CDKL1: variants seen among roughly 807,000 people sequenced by gnomAD.
CDKL1 encodes the protein cyclin dependent kinase like 1.
In CDKL1, 41 loss-of-function variants were observed where a neutral mutation model predicts 42.0. That is an observed-to-expected ratio of 0.98 (90% CI 0.76 to 1.27). The LOEUF is 1.27. Ranked by LOEUF, CDKL1 falls within the 50% of genes most tolerant of loss-of-function variation. The pLI is 0.00. For missense variants in CDKL1, 394 were observed against 428.4 expected, an observed-to-expected ratio of 0.92 and a Z score of 0.71; for synonymous variants, 153 against 158.6, an observed-to-expected ratio of 0.96 and a Z score of 0.26.
At chr14:50,387,276 C>T (rs2035113570) in intron 2 of CDKL1, among the ~76,000 whole-genome samples, 1 of 151,640 alleles carries the variant, frequency 6.6e-6, no homozygotes, top group Admixed American at 6.6e-5. Context: ...AATCCCAGCA[C>T]TTTGGGAGGC....
At chr14:50,350,929 C>G (rs1158256904) in intron 3 of CDKL1, among the ~76,000 whole-genome samples, 1 of 152,118 alleles carries the variant, frequency 6.6e-6, no homozygotes, top group Non-Finnish European at 1.5e-5. Flanking sequence ...TGGAATCCAT[C>G]TTTCGCTAGT....
intron 2 of CDKL1, among the ~76,000 whole-genome samples, chr14:50,368,546 G>A (rs1273408498): frequency 6.6e-6 from 1 of 152,148 alleles, no homozygotes; most frequent in Non-Finnish European, 1.5e-5. Flanking sequence ...TTATGGGCGT[G>A]AGCCACTGTA....
intron 3 of CDKL1, among the ~76,000 whole-genome samples, chr14:50,358,811 T>C (rs2034146449): frequency 6.6e-6 from 1 of 151,930 alleles, no homozygotes; most frequent in Non-Finnish European, 1.5e-5. Context: ...AGCTAATTTT[T>C]GTATTTTTAG....
intron 2 of CDKL1, among the ~76,000 whole-genome samples, chr14:50,385,529 G>A (rs1566609743): frequency 6.6e-6 from 1 of 152,244 alleles, no homozygotes; most frequent in South Asian, 2.1e-4. Flanking sequence ...CAATGGGCCA[G>A]GCGTGGTGGC....
At chr14:50,337,756 C>T (rs369946156) in intron 7 of CDKL1, among the ~76,000 whole-genome samples, 1 of 150,194 alleles carries the variant, frequency 6.7e-6, no homozygotes, top group East Asian at 2.0e-4. Flanking sequence ...TCTCAGGTCA[C>T]TGCGGCCTCA....
intron 2 of CDKL1, chr14:50,362,956 C>G (rs776543911): frequency 4.3e-6 from 2 of 464,612 alleles, no homozygotes; most frequent in South Asian, 1.6e-5. Flanking sequence ...TGCTGCTGCT[C>G]ACGCTTTGGG....
At chr14:50,372,397 C>T (rs1363256393) in intron 2 of CDKL1, among the ~76,000 whole-genome samples, 1 of 152,206 alleles carries the variant, frequency 6.6e-6, no homozygotes, top group East Asian at 1.9e-4. Context: ...GGATTACAGG[C>T]GTGAGCCACC....
intron 5 of CDKL1, 57 bp from the exon 6 acceptor site, chr14:50,341,289 GA>G (rs905824883): frequency 3.3e-6 from 5 of 1,533,836 alleles, no homozygotes; most frequent in Admixed American, 2.0e-5. Flanking sequence ...AATCAAAACT[GA>G]GGGGGAGATC....
intron 5 of CDKL1, among the ~76,000 whole-genome samples, chr14:50,341,468 G>T (rs917045895): frequency 4.8e-5 from 7 of 144,524 alleles, no homozygotes; most frequent in East Asian, 2.0e-4. Flanking sequence ...GGGGGGGGGG[G>T]GGGGTTATTT....
Position 50,335,584 on chromosome 14 carries a change from T to C in CDKL1, c.739-963A>G. ...CACTATAAATGGGAGGAATGCCGAATGTCAGGCAGACAAACAGGCCAGTTA... is the reference window on the plus strand; with the variant it reads ...CACTATAAATGGGAGGAATGCCGAACGTCAGGCAGACAAACAGGCCAGTTA... On this transcript the variant is annotated intron_variant, in intron 7 of 9. Transcript: ENST00000395834. The C allele has an allele frequency of 2.6e-6, 4 of 1,535,374 alleles. No homozygotes were observed. In the South Asian group the frequency reaches 3.6e-5, roughly 14 times the overall value.
chr14:50,342,826 C>T (rs530647632), intron 4 of CDKL1: 1 of 1,166,846 alleles, frequency 8.6e-7, no homozygotes, highest in African/African-American at 1.7e-5. Flanking sequence ...AGGGTGGCAA[C>T]CACAGCTTGC....
intron 2 of CDKL1, among the ~76,000 whole-genome samples, chr14:50,368,902 T>C (rs2034507822): frequency 6.7e-6 from 1 of 150,352 alleles, no homozygotes; most frequent in Non-Finnish European, 1.5e-5. Context: ...AGTCTCGCTC[T>C]GTCACCCAGG....
At chr14:50,376,541 A>C (rs978114101) in intron 2 of CDKL1, 6 of 260,912 alleles carry the variant, frequency 2.3e-5, no homozygotes, top group Admixed American at 4.5e-5. Flanking sequence ...AGAAAGTACA[A>C]TTAATAGAGG....
chr14:50,396,058 C>T lies in CDKL1; in HGVS notation c.-190G>A, dbSNP rs745865080. On this transcript the variant is annotated 5_prime_UTR_variant, in exon 2 of 10. Transcript: ENST00000395834. Reference sequence around the variant, plus strand: ...AAAATTAGCCGGGTGTGGTGATGGGCGCCCGTAGTCCCAGCAACTCAGGAG... The same window carrying T: ...AAAATTAGCCGGGTGTGGTGATGGGTGCCCGTAGTCCCAGCAACTCAGGAG... The T allele has an allele frequency of 3.4e-5, 36 of 1,059,488 alleles. No individual in the cohort carries two copies. The highest frequency in any genetic ancestry group is 4.3e-5 in the Non-Finnish European group (34 of 787,760). The allele number at this position is 1,059,488 out of a possible 1,614,324, so 65.6% of individuals were successfully genotyped here.
chr14:50,363,205 G>A (rs2034332748), intron 2 of CDKL1: 1 of 223,342 alleles, frequency 4.5e-6, no homozygotes, highest in South Asian at 5.5e-5. Flanking sequence ...CCGCCTTTAA[G>A]AAGTGTAACA....
At chr14:50,365,666 A>T (rs1215313725) in intron 2 of CDKL1, among the ~76,000 whole-genome samples, 2 of 152,090 alleles carry the variant, frequency 1.3e-5, no homozygotes, top group African/African-American at 4.8e-5. Flanking sequence ...TGCCAACTTG[A>T]TTGGATTGAA....
intron 2 of CDKL1, among the ~76,000 whole-genome samples, chr14:50,381,330 A>T (rs1169532736): frequency 6.6e-6 from 1 of 152,152 alleles, no homozygotes; most frequent in African/African-American, 2.4e-5. Flanking sequence ...GATAATAGAG[A>T]TATACTGACC....
intron 3 of CDKL1, among the ~76,000 whole-genome samples, chr14:50,355,040 G>T (rs1476245150): frequency 6.6e-6 from 1 of 151,700 alleles, no homozygotes; most frequent in Admixed American, 6.6e-5. Flanking sequence ...GAAATAATAT[G>T]TATTTTTATT....
intron 4 of CDKL1, among the ~76,000 whole-genome samples, chr14:50,343,827 T>C (rs2033636579): frequency 1.3e-5 from 2 of 152,188 alleles, no homozygotes; most frequent in African/African-American, 4.8e-5. Flanking sequence ...ACTAACAATA[T>C]GGGTGTCCAC....
Sources: gnomAD v4.1 joint callset for allele counts (sites outside exome capture counted in the v4.1 genomes callset) on GRCh38, gnomAD v4.1.1 for gene constraint, MANE v1.5 for transcripts, NCBI Gene and HGNC (gene_info 2026-07-23, HGNC 2026-07-21) for gene names.